The following CPNE8 variants were observed in gnomAD, a reference collection of about 807,000 sequenced individuals.
CPNE8 encodes the protein copine 8, also known as copine-8.
In CPNE8, 45 loss-of-function variants were observed where a neutral mutation model predicts 81.5. That is an observed-to-expected ratio of 0.55 (90% CI 0.44 to 0.71). CPNE8 has a LOEUF of 0.71. CPNE8 is among the 30% of genes least tolerant of loss of function. The pLI, the probability that CPNE8 is intolerant of heterozygous loss-of-function variation, is 0.00. For synonymous variants in CPNE8, 252 were observed against 226.3 expected, an observed-to-expected ratio of 1.11 and a Z score of -1.02; for missense variants, 594 against 672.1, an observed-to-expected ratio of 0.88 and a Z score of 1.28.
At chr12:38,795,103 C>G (rs1228386630) in intron 6 of CPNE8, among the ~76,000 whole-genome samples, 1 of 152,216 alleles carries the variant, frequency 6.6e-6, no homozygotes, top group Non-Finnish European at 1.5e-5. Flanking sequence ...CAGCCACAAA[C>G]TGAAGCCTGC....
intron 19 of CPNE8, among the ~76,000 whole-genome samples, chr12:38,666,228 T>C (rs966385880): frequency 6.6e-6 from 1 of 152,192 alleles, no homozygotes; most frequent in Non-Finnish European, 1.5e-5. Flanking sequence ...AAAAGGGTAA[T>C]AGATCTTAAT....
At chr12:38,902,159 A>G (rs1274009467) in intron 1 of CPNE8, among the ~76,000 whole-genome samples, 1 of 150,984 alleles carries the variant, frequency 6.6e-6, no homozygotes, top group Non-Finnish European at 1.5e-5. Flanking sequence ...GGAAATGAAG[A>G]AAAGAAAAGG....
intron 6 of CPNE8, among the ~76,000 whole-genome samples, chr12:38,797,667 T>A (rs1261966366): frequency 1.3e-5 from 2 of 152,066 alleles, no homozygotes; most frequent in Non-Finnish European, 2.9e-5. Flanking sequence ...GGAACCCAGT[T>A]CCTCACCAGC....
intron 13 of CPNE8, among the ~76,000 whole-genome samples, chr12:38,709,260 C>T (rs1233437339): frequency 6.6e-6 from 1 of 152,180 alleles, no homozygotes; most frequent in Admixed American, 6.5e-5. Context: ...AACCCTGAGC[C>T]CTTTTCTGTC....
intron 6 of CPNE8, among the ~76,000 whole-genome samples, chr12:38,825,764 G>A (rs1446436446): frequency 6.6e-6 from 1 of 152,126 alleles, no homozygotes; most frequent in Non-Finnish European, 1.5e-5. Context: ...TAAGACGAAG[G>A]GTGACTACAA....
At chr12:38,718,373 G>C (rs1940462267) in intron 13 of CPNE8, among the ~76,000 whole-genome samples, 1 of 152,152 alleles carries the variant, frequency 6.6e-6, no homozygotes, top group African/African-American at 2.4e-5. Context: ...GGTGGAAGTG[G>C]GGGAAGAAGC....
At chr12:38,699,141 G>T (rs546644208) in intron 14 of CPNE8, among the ~76,000 whole-genome samples, 1 of 152,070 alleles carries the variant, frequency 6.6e-6, no homozygotes, top group African/African-American at 2.4e-5. Flanking sequence ...TTTCAACAAT[G>T]TTTTCTTCAA....
intron 1 of CPNE8, among the ~76,000 whole-genome samples, chr12:38,900,868 C>A (rs1944452036): frequency 6.6e-6 from 1 of 152,136 alleles, no homozygotes; most frequent in Non-Finnish European, 1.5e-5. Context: ...GAATGCCTAG[C>A]ACCACGTAGG....
intron 1 of CPNE8, among the ~76,000 whole-genome samples, chr12:38,892,420 G>A (rs1368622497): frequency 6.6e-6 from 1 of 152,206 alleles, no homozygotes; most frequent in Non-Finnish European, 1.5e-5. Context: ...CTACATGTGT[G>A]AAGAAGAGGA....
chr12:38,724,755 T>A (rs1940653187), intron 12 of CPNE8, 91 bp downstream of exon 12: 3 of 885,712 alleles, frequency 3.4e-6, no homozygotes, highest in Non-Finnish European at 5.0e-6. Context: ...TCAGTTTTTT[T>A]AATTGCTTCC....
At chr12:38,666,491 C>T (rs912650349) in intron 19 of CPNE8, among the ~76,000 whole-genome samples, 7 of 152,128 alleles carry the variant, frequency 4.6e-5, no homozygotes, top group African/African-American at 1.4e-4. Flanking sequence ...CATCCAGGTG[C>T]GGCGAGTGAG....
chr12:38,690,985 C>T (rs1201576362), intron 15 of CPNE8, among the ~76,000 whole-genome samples: 1 of 151,998 alleles, frequency 6.6e-6, no homozygotes, highest in Admixed American at 6.6e-5. Context: ...AGCCCTCCAG[C>T]AACCTCTCTA....
intron 19 of CPNE8, 125 bp from the exon 20 acceptor site, chr12:38,654,195 T>A (rs759285809): frequency 3.5e-5 from 43 of 1,232,524 alleles, no homozygotes; most frequent in Non-Finnish European, 4.2e-5. Context: ...AATGGAGAGA[T>A]GGATAACAAT....
chr12:38,762,625 A>C (rs1941595463), intron 8 of CPNE8, among the ~76,000 whole-genome samples: 1 of 152,202 alleles, frequency 6.6e-6, no homozygotes, highest in Admixed American at 6.5e-5. Context: ...AGAGAAACTG[A>C]GGCACAGTGT....
At chr12:38,693,316 T>G (rs1939720964) in intron 15 of CPNE8, among the ~76,000 whole-genome samples, 1 of 152,112 alleles carries the variant, frequency 6.6e-6, no homozygotes, top group Non-Finnish European at 1.5e-5. Context: ...CTGTCTCCCA[T>G]TATATTCTGC....
intron 6 of CPNE8, among the ~76,000 whole-genome samples, chr12:38,818,851 T>G (rs1943068154): frequency 6.6e-6 from 1 of 152,254 alleles, no homozygotes; most frequent in Non-Finnish European, 1.5e-5. Flanking sequence ...GGTATCTCAC[T>G]GTGGTTTTGA....
intron 10 of CPNE8, among the ~76,000 whole-genome samples, chr12:38,757,478 A>T (rs1941484047): frequency 6.6e-6 from 1 of 151,972 alleles, no homozygotes; most frequent in Admixed American, 6.5e-5. Context: ...TAAAATTAAT[A>T]TCTGGATTTT....
chr12:38,881,095 G>A (rs1371693052), intron 1 of CPNE8, among the ~76,000 whole-genome samples: 1 of 151,670 alleles, frequency 6.6e-6, no homozygotes, highest in South Asian at 2.1e-4. Flanking sequence ...CTTCATTCCC[G>A]GCTACTCGGG....
chr12:38,898,702 G>A (rs1191949227), intron 1 of CPNE8, among the ~76,000 whole-genome samples: 2 of 152,150 alleles, frequency 1.3e-5, no homozygotes, highest in African/African-American at 4.8e-5. Flanking sequence ...GTGGACTAAG[G>A]TAGAGCCTCC....
Sources: gnomAD v4.1 joint callset for allele counts (sites outside exome capture counted in the v4.1 genomes callset) on GRCh38, gnomAD v4.1.1 for gene constraint, MANE v1.5 for transcripts, NCBI Gene and HGNC (gene_info 2026-07-23, HGNC 2026-07-21) for gene names.